GRID1: variants seen among roughly 807,000 people sequenced by gnomAD.
GRID1 encodes glutamate receptor ionotropic, delta-1.
GRID1 carries 28 observed loss-of-function variants against 98.0 expected under a neutral mutation model. That is an observed-to-expected ratio of 0.29 (90% CI 0.21 to 0.39). The LOEUF (loss-of-function observed/expected upper bound fraction) is 0.39. Ranked by LOEUF, GRID1 falls within the 10% of genes least tolerant of loss-of-function variation. The probability of loss-of-function intolerance (pLI) is 1.00; values close to 1 mark genes in which losing one functional copy is unlikely to be tolerated. For synonymous variants in GRID1, 553 were observed against 538.5 expected, an observed-to-expected ratio of 1.03 and a Z score of -0.37; for missense variants, 1,111 against 1,340.5, an observed-to-expected ratio of 0.83 and a Z score of 2.67.
At chr10:85,895,335 T>C (rs1841276570) in intron 5 of GRID1, among the ~76,000 whole-genome samples, 1 of 151,980 alleles carries the variant, frequency 6.6e-6, no homozygotes, top group Non-Finnish European at 1.5e-5. Flanking sequence ...AACACGGATG[T>C]CAGGGTGGTC....
At position 86,338,002 on chromosome 10, in the gene GRID1, C is replaced by T. The variant is rs568750048; in HGVS notation, c.235+25939G>A. On this transcript the variant is annotated intron_variant, in intron 2 of 15. Transcript: ENST00000327946. ...GGATTACAGGCGTGAGCCACCGTAC[C>T]TGGCCTGGAACTTCTTTCTAATTCC... Among the ~76,000 whole-genome samples the T allele has an allele frequency of 2.0e-5, 3 of 152,350 alleles. No individual in the cohort carries two copies. The South Asian group carries it at 6.2e-4, about 32-fold the overall frequency.
intron 2 of GRID1, among the ~76,000 whole-genome samples, chr10:86,252,068 C>T (rs1846844615): frequency 1.3e-5 from 2 of 152,212 alleles, no homozygotes; most frequent in Admixed American, 6.5e-5. Context: ...TCTGACCTTA[C>T]CTGGAGTTGC....
At chr10:85,667,205 A>T (rs988468766) in intron 12 of GRID1, among the ~76,000 whole-genome samples, 1 of 152,060 alleles carries the variant, frequency 6.6e-6, no homozygotes, top group African/African-American at 2.4e-5. Context: ...AAGCCCGTCT[A>T]TTCTTTATCT....
chr10:85,626,190 C>T (rs554775925), intron 13 of GRID1, among the ~76,000 whole-genome samples: 140 of 152,218 alleles, frequency 9.2e-4, no homozygotes, highest in African/African-American at 3.3e-3. Context: ...TAATACTTCT[C>T]GAGGGCAGAA....
intron 8 of GRID1, among the ~76,000 whole-genome samples, chr10:85,841,875 T>C (rs1309022804): frequency 4.1e-4 from 63 of 152,146 alleles, no homozygotes; most frequent in Non-Finnish European, 5.9e-5. Flanking sequence ...ATACTGTTAG[T>C]AGGGGTGTAA....
At chr10:85,821,152 A>G (rs1396475282) in intron 8 of GRID1, among the ~76,000 whole-genome samples, 4 of 152,094 alleles carry the variant, frequency 2.6e-5, no homozygotes, top group Non-Finnish European at 5.9e-5. Context: ...TAGAAGAAAG[A>G]GTAAAAAAAA....
At chr10:85,920,217 C>T (rs1439260490) in intron 4 of GRID1, among the ~76,000 whole-genome samples, 1 of 152,086 alleles carries the variant, frequency 6.6e-6, no homozygotes, top group African/African-American at 2.4e-5. Context: ...TTGTCACACA[C>T]AAAAATTCAT....
chr10:86,263,157 C>T (rs1485334119), intron 2 of GRID1, among the ~76,000 whole-genome samples: 3 of 152,244 alleles, frequency 2.0e-5, no homozygotes, highest in Non-Finnish European at 4.4e-5. Context: ...ACTACTGCTC[C>T]CCGTCATCGT....
intron 6 of GRID1, among the ~76,000 whole-genome samples, chr10:85,865,990 GAGAGAGA>G (rs1843217632): frequency 3.9e-5 from 5 of 129,512 alleles, no homozygotes; most frequent in African/African-American, 6.1e-5. Context: ...GAGAGAGAGA[GAGAGAGA>G]GGCATCTAGG....
chr10:85,647,406 C>T lies in GRID1; in HGVS notation c.1998-9G>A, dbSNP rs17105747. On this transcript the variant is annotated splice_polypyrimidine_tract_variant and intron_variant, in intron 12 of 15. Transcript: ENST00000327946. ...ACAGGTCCTGGAAAGTCCTGAAATG[C>T]AGAAAGGCAGCGAGGCATGAGTACA... 3 of 1,609,492 alleles carry T rather than the reference C, an allele frequency of 1.9e-6. No homozygotes were observed. Among genetic ancestry groups the T allele is most frequent in the South Asian group, 1.1e-5 (1 of 90,942 alleles).
intron 8 of GRID1, among the ~76,000 whole-genome samples, chr10:85,778,768 A>C (rs1176771444): frequency 6.6e-6 from 1 of 152,208 alleles, no homozygotes; most frequent in African/African-American, 2.4e-5. Context: ...AGCTTCCTGA[A>C]CACCCAGCCT....
At chr10:85,951,008 T>C (rs1842117621) in intron 4 of GRID1, among the ~76,000 whole-genome samples, 1 of 151,780 alleles carries the variant, frequency 6.6e-6, no homozygotes, top group Non-Finnish European at 1.5e-5. Flanking sequence ...CATTGGGAAA[T>C]GGCCCCTGCA....
chr10:85,764,186 G>A (rs963432026), intron 8 of GRID1, among the ~76,000 whole-genome samples: 3 of 152,272 alleles, frequency 2.0e-5, no homozygotes, highest in Admixed American at 1.3e-4. Flanking sequence ...CCCAGGCCAA[G>A]GGGCAACTGT....
chr10:86,031,461 G>A (rs117238606), intron 4 of GRID1, among the ~76,000 whole-genome samples: 1 of 152,240 alleles, frequency 6.6e-6, no homozygotes, highest in East Asian at 1.9e-4. Context: ...GGGGTACTAT[G>A]TTCACTACTT....
At chr10:85,658,380 C>A (rs1253910449) in intron 12 of GRID1, among the ~76,000 whole-genome samples, 1 of 152,108 alleles carries the variant, frequency 6.6e-6, no homozygotes, top group African/African-American at 2.4e-5. Flanking sequence ...TGGCAATAGC[C>A]CCTTCATAAA....
chr10:86,182,233 C>T (rs114551838), intron 3 of GRID1, among the ~76,000 whole-genome samples: 1 of 152,270 alleles, frequency 6.6e-6, no homozygotes, highest in African/African-American at 2.4e-5. Flanking sequence ...TGCCCAGTGG[C>T]CCTGGTGAGC....
rs559732036 is a variant in GRID1, at chr10:86,007,976, C to T, written c.727-91737G>A. On this transcript the variant is annotated intron_variant, in intron 4 of 15. Transcript: ENST00000327946. Reference sequence around the variant, plus strand: ...AAACGTTTCATGATGCTGGTGAATACAGAATTCTGTATGGCACTCACTGAT... The same window carrying T: ...AAACGTTTCATGATGCTGGTGAATATAGAATTCTGTATGGCACTCACTGAT... 2.0e-5 allele frequency among the ~76,000 whole-genome samples: 3 copies of T among 152,200 alleles called. No individual in the cohort carries two copies. The South Asian group carries it at 6.2e-4, about 32-fold the overall frequency.
chr10:85,926,845 T>C (rs1470506965), intron 4 of GRID1, among the ~76,000 whole-genome samples: 1 of 152,166 alleles, frequency 6.6e-6, no homozygotes, highest in East Asian at 1.9e-4. Context: ...AGTTACCAGA[T>C]GAGGCAAAAA....
intron 2 of GRID1, among the ~76,000 whole-genome samples, chr10:86,265,734 A>C (rs374623396): frequency 1.2e-4 from 19 of 152,354 alleles, no homozygotes; most frequent in African/African-American, 4.3e-4. Context: ...CTCACCTGTC[A>C]TTGCAGGCAA....
Sources: gnomAD v4.1 joint callset for allele counts (sites outside exome capture counted in the v4.1 genomes callset) on GRCh38, gnomAD v4.1.1 for gene constraint, MANE v1.5 for transcripts, NCBI Gene and HGNC (gene_info 2026-07-23, HGNC 2026-07-21) for gene names.